The following MAPK4 variants were observed in gnomAD, a reference collection of about 807,000 sequenced individuals.
MAPK4 encodes the protein mitogen-activated protein kinase 4.
In MAPK4, 22 loss-of-function variants were observed where a neutral mutation model predicts 47.7. The ratio of observed to expected loss-of-function variants is 0.46; its 90% CI spans 0.33 to 0.66. The LOEUF (loss-of-function observed/expected upper bound fraction) is 0.66. Among genes scored for constraint, MAPK4 ranks in the 30% least tolerant of loss-of-function variants. The pLI, the probability that MAPK4 is intolerant of heterozygous loss-of-function variation, is 0.02. For synonymous variants in MAPK4, 390 were observed against 365.7 expected, an observed-to-expected ratio of 1.07 and a Z score of -0.76; for missense variants, 736 against 831.7, an observed-to-expected ratio of 0.88 and a Z score of 1.42.
intron 2 of MAPK4, among the ~76,000 whole-genome samples, chr18:50,714,034 G>C (rs143919671): frequency 2.3e-4 from 35 of 152,250 alleles, no homozygotes; most frequent in South Asian, 1.7e-3. Context: ...AAAGCTCCTG[G>C]GTCCTGGCCT....
Position 50,730,767 on chromosome 18 carries a change from A to T in MAPK4, c.*913A>T, listed in dbSNP as rs763162260. ...TGAGGTTGAAGGCACCAATTCCAAG[A>T]ATCCCTCCAACCTCCCTGCCAGCAC... On this transcript the variant is annotated 3_prime_UTR_variant, in exon 6 of 6. Coordinates refer to ENST00000400384, the MANE Select transcript of MAPK4 (RefSeq NM_002747.4). The T allele has an allele frequency of 6.6e-6, 1 of 152,122 alleles. No individual in the cohort carries two copies. Among genetic ancestry groups the T allele is most frequent in the Non-Finnish European group, 1.5e-5 (1 of 67,992 alleles). The allele number at this position is 152,122 out of a possible 1,614,324, so 9.4% of individuals were successfully genotyped here.
At chr18:50,676,112 A>G (rs1053637549) in intron 2 of MAPK4, among the ~76,000 whole-genome samples, 1 of 152,218 alleles carries the variant, frequency 6.6e-6, no homozygotes, top group African/African-American at 2.4e-5. Context: ...TCTATTTTAC[A>G]TGAATATGGT....
At chr18:50,687,987 T>C (rs1358569831) in intron 2 of MAPK4, among the ~76,000 whole-genome samples, 1 of 152,078 alleles carries the variant, frequency 6.6e-6, no homozygotes, top group East Asian at 1.9e-4. Context: ...TGAGAACAGA[T>C]GACTAAACCC....
At chr18:50,638,110 T>C (rs182112399) in intron 1 of MAPK4, among the ~76,000 whole-genome samples, 1 of 152,294 alleles carries the variant, frequency 6.6e-6, no homozygotes, top group East Asian at 1.9e-4. Flanking sequence ...TAACTTCATA[T>C]CCATTGCTCT....
intron 2 of MAPK4, among the ~76,000 whole-genome samples, chr18:50,694,051 T>C (rs1025035215): frequency 1.2e-4 from 19 of 152,220 alleles, no homozygotes; most frequent in Non-Finnish European, 2.4e-4. Context: ...TCGGTATTTA[T>C]CTGAAAGAGA....
intron 1 of MAPK4, among the ~76,000 whole-genome samples, chr18:50,661,199 T>A (rs540267509): frequency 6.6e-6 from 1 of 152,202 alleles, no homozygotes; most frequent in East Asian, 1.9e-4. Flanking sequence ...CCCTTGGGAG[T>A]CAGACCAGGC....
In MAPK4 at chr18:50,730,903, G is replaced by A. The variant is rs1911528010; in HGVS notation, c.*1049G>A. 1 of 152,120 alleles carries A rather than the reference G, an allele frequency of 6.6e-6. No individual in the cohort carries two copies. The highest frequency in any genetic ancestry group is 2.1e-4 in the South Asian group (1 of 4,824). 9.4% of individuals were successfully genotyped at this position (152,120 alleles called of 1,614,324 possible). On this transcript the variant is annotated 3_prime_UTR_variant, in exon 6 of 6. Transcript: ENST00000400384. ...CTGCTCATTTGGAGGACAGCAGTGA[G>A]GTCCTGCCATAGAGCAAATGTGTTA...
intron 1 of MAPK4, among the ~76,000 whole-genome samples, chr18:50,585,139 T>C (rs895773844): frequency 6.6e-6 from 1 of 152,224 alleles, no homozygotes; most frequent in African/African-American, 2.4e-5. Flanking sequence ...TTAAAAATAA[T>C]AAAGATGCTT....
intron 1 of MAPK4, among the ~76,000 whole-genome samples, chr18:50,610,054 G>A (rs2042618879): frequency 6.6e-6 from 1 of 152,194 alleles, no homozygotes; most frequent in African/African-American, 2.4e-5. Flanking sequence ...GAATTAACTT[G>A]TCTACGATCT....
chr18:50,599,489 G>A, intron 1 of MAPK4, among the ~76,000 whole-genome samples: 1 of 152,254 alleles, frequency 6.6e-6, no homozygotes, highest in South Asian at 2.1e-4. Flanking sequence ...TACAATCTCG[G>A]CTCACTGCAA....
At chr18:50,638,869 T>G (rs1450861892) in intron 1 of MAPK4, among the ~76,000 whole-genome samples, 5 of 152,158 alleles carry the variant, frequency 3.3e-5, no homozygotes, top group Non-Finnish European at 7.3e-5. Flanking sequence ...GTGGATTTGA[T>G]TATCCTGTTC....
At chr18:50,568,262 A>G (rs1378778836) in intron 1 of MAPK4, among the ~76,000 whole-genome samples, 1 of 152,100 alleles carries the variant, frequency 6.6e-6, no homozygotes, top group Non-Finnish European at 1.5e-5. Flanking sequence ...TGATTCCAAC[A>G]TCTTCAGTTC....
intron 1 of MAPK4, among the ~76,000 whole-genome samples, chr18:50,596,716 T>C (rs543606424): frequency 3.5e-4 from 53 of 152,310 alleles, no homozygotes; most frequent in African/African-American, 1.3e-3. Context: ...CACTGCTTGG[T>C]AGCAATTCAT....
chr18:50,689,597 G>T (rs1342095728), intron 2 of MAPK4, among the ~76,000 whole-genome samples: 1 of 151,478 alleles, frequency 6.6e-6, no homozygotes, highest in Non-Finnish European at 1.5e-5. Flanking sequence ...AGGGCCTCTA[G>T]GTTAAAAATG....
intron 2 of MAPK4, among the ~76,000 whole-genome samples, chr18:50,714,484 G>A (rs1910535697): frequency 6.6e-6 from 1 of 152,142 alleles, no homozygotes. Flanking sequence ...ACCAACGAAA[G>A]CTGTGTCCAC....
intron 1 of MAPK4, among the ~76,000 whole-genome samples, chr18:50,607,507 A>G (rs1400766634): frequency 3.9e-5 from 6 of 152,178 alleles, no homozygotes; most frequent in Non-Finnish European, 8.8e-5. Context: ...CGTGATCCAC[A>G]GTGGCCCTGT....
intron 2 of MAPK4, among the ~76,000 whole-genome samples, chr18:50,712,682 G>T (rs1222456699): frequency 1.3e-5 from 2 of 151,508 alleles, no homozygotes; most frequent in Admixed American, 6.6e-5. Flanking sequence ...TCAGAAGAAA[G>T]CCCCCTGTCC....
chr18:50,586,642 T>A (rs1242468782), intron 1 of MAPK4, among the ~76,000 whole-genome samples: 2 of 152,066 alleles, frequency 1.3e-5, no homozygotes, highest in East Asian at 3.9e-4. Context: ...ATAAAACACT[T>A]GGAGAACTGC....
rs199890012 is a variant in MAPK4, at chr18:50,697,030, CT to C, written c.547-18048del. ...GCCAGACCAGCAGCATCAGCATCCCCTCGGAACTCATTACACATGCACATTG... is the reference window on the plus strand; with the variant it reads ...GCCAGACCAGCAGCATCAGCATCCCCCGGAACTCATTACACATGCACATTG... On this transcript the variant is annotated intron_variant, in intron 2 of 5. Transcript: ENST00000400384. 4.0e-3 allele frequency among the ~76,000 whole-genome samples: 601 copies of C among 152,122 alleles called. 4 individuals carry two copies. Among genetic ancestry groups the C allele is most frequent in the African/African-American group, 0.014 (568 of 41,404 alleles).
Sources: gnomAD v4.1 joint callset for allele counts (sites outside exome capture counted in the v4.1 genomes callset) on GRCh38, gnomAD v4.1.1 for gene constraint, MANE v1.5 for transcripts, NCBI Gene and HGNC (gene_info 2026-07-23, HGNC 2026-07-21) for gene names.